PARP8: variants seen among roughly 807,000 people sequenced by gnomAD.
The protein encoded by PARP8 is protein mono-ADP-ribosyltransferase PARP8.
In PARP8, 51 loss-of-function variants were observed where a neutral mutation model predicts 124.1. The observed-to-expected ratio is 0.41, with a 90% CI of 0.33 to 0.52. PARP8 has a LOEUF of 0.52. Among genes scored for constraint, PARP8 ranks in the 20% least tolerant of loss-of-function variants. The probability of loss-of-function intolerance (pLI) is 0.21; values close to 1 mark genes in which losing one functional copy is unlikely to be tolerated. For synonymous variants in PARP8, 391 were observed against 361.5 expected (o/e 1.08, Z -0.93); for missense variants, 860 against 1,018.9 (o/e 0.84, Z 2.12).
Position 50,826,785 on chromosome 5 carries a change from G to A in PARP8, c.1959G>A (p.Val653=), listed in dbSNP as rs764021384. ...TATCAAGTAATAGATCACATATTGT[G>A]AAACTGCCAGTTAACAGGGTAAGTT... The part of the protein sequence containing the change: ...WVISSNRSHI[V]KLPVNRQLKF... Residue 653 remains valine (V), a synonymous_variant, in exon 19 of 26, where the codon GTG becomes GTA. Transcript: ENST00000281631. 2.5e-6 allele frequency: 4 copies of A among 1,587,512 alleles called. No homozygotes were observed. The Admixed American group carries it at 7.3e-5, about 29-fold the overall frequency.
Position 50,825,060 on chromosome 5 carries a change from T to A in PARP8, c.1928+85T>A, listed in dbSNP as rs532140068. On this transcript the variant is annotated intron_variant, in intron 18 of 25. Transcript: ENST00000281631. ...AGGAAAAAAACCAAACAAACAAAAG[T>A]AAACCTGTCTTACAAGCCCTGCAAT... is the stretch of plus-strand genomic sequence containing the variant. 1.5e-5 allele frequency: 17 copies of A among 1,153,614 alleles called. No individual in the cohort carries two copies. The South Asian group carries it at 1.8e-4, about 12-fold the overall frequency. The allele number at this position is 1,153,614 out of a possible 1,614,324, so 71.5% of individuals were successfully genotyped here.
intron 2 of PARP8, among the ~76,000 whole-genome samples, chr5:50,707,480 A>T (rs1454815760): frequency 2.6e-5 from 4 of 152,050 alleles, no homozygotes; most frequent in Non-Finnish European, 4.4e-5. Context: ...AACAGTGGCA[A>T]ATTGTGAAGG....
chr5:50,732,787 T>G (rs1320556437), intron 2 of PARP8, among the ~76,000 whole-genome samples: 1 of 151,550 alleles, frequency 6.6e-6, no homozygotes, highest in Non-Finnish European at 1.5e-5. Context: ...CTCGGCTAAT[T>G]TTTTGTATTT....
At chr5:50,739,120 T>C (rs1281012855) in intron 2 of PARP8, 3 of 701,518 alleles carry the variant, frequency 4.3e-6, no homozygotes, top group Non-Finnish European at 7.8e-6. Flanking sequence ...CTACTCTGAA[T>C]GGAGCACCCT....
intron 2 of PARP8, among the ~76,000 whole-genome samples, chr5:50,675,520 TGG>T (rs1750524777): frequency 6.6e-6 from 1 of 152,222 alleles, no homozygotes; most frequent in South Asian, 2.1e-4. Context: ...TTGGCCAGGT[TGG>T]TCTCGAACTC....
intron 14 of PARP8, among the ~76,000 whole-genome samples, chr5:50,814,269 A>G (rs1456796981): frequency 6.6e-6 from 1 of 152,190 alleles, no homozygotes; most frequent in Non-Finnish European, 1.5e-5. Context: ...AGGGTAAAGC[A>G]TATAAACATA....
chr5:50,744,361 G>A (rs146501952), intron 2 of PARP8, among the ~76,000 whole-genome samples: 1 of 152,100 alleles, frequency 6.6e-6, no homozygotes, highest in Non-Finnish European at 1.5e-5. Context: ...CTTATTAAAT[G>A]GTTCCAGTTA....
chr5:50,694,494 C>T (rs1752816351), intron 2 of PARP8, among the ~76,000 whole-genome samples: 1 of 152,138 alleles, frequency 6.6e-6, no homozygotes, highest in Non-Finnish European at 1.5e-5. Flanking sequence ...GGTCTTGTAA[C>T]CACATTTCTT....
At chr5:50,827,893 AAT>A (rs149650908) in intron 19 of PARP8, 49 bp from the exon 20 acceptor site, 6 of 1,305,624 alleles carry the variant, frequency 4.6e-6, no homozygotes, top group Admixed American at 1.7e-5. Context: ...CATCAGCCTG[AAT>A]ATATGTTAAG....
chr5:50,707,449 A>G (rs1016851026), intron 2 of PARP8, among the ~76,000 whole-genome samples: 1 of 152,064 alleles, frequency 6.6e-6, no homozygotes, highest in African/African-American at 2.4e-5. Context: ...GCTACCTAGA[A>G]TTCATAATCT....
Position 50,844,049 on chromosome 5 carries a change from C to T in PARP8, c.*1981C>T, listed in dbSNP as rs373168015. On this transcript the variant is annotated 3_prime_UTR_variant, in exon 26 of 26. Transcript: ENST00000281631. Reference sequence around the variant, plus strand: ...GGCTTTACTTAACATTGGAGTGATCCGTAAAGAATATAGTATTGGAGTCTG... The same window carrying T: ...GGCTTTACTTAACATTGGAGTGATCTGTAAAGAATATAGTATTGGAGTCTG... 8 of 151,652 alleles carry T rather than the reference C, an allele frequency of 5.3e-5. No individual in the cohort carries two copies. Among genetic ancestry groups the T allele is most frequent in the Admixed American group, 2.6e-4 (4 of 15,182 alleles). The allele number at this position is 151,652 out of a possible 1,614,324, so 9.4% of individuals were successfully genotyped here.
chr5:50,676,306 T>G (rs1197506544), intron 2 of PARP8, among the ~76,000 whole-genome samples: 1 of 152,250 alleles, frequency 6.6e-6, no homozygotes, highest in East Asian at 1.9e-4. Context: ...TTTCAGCAAT[T>G]TTTATAGAAG....
At chr5:50,719,428 G>A (rs1755653038) in intron 2 of PARP8, among the ~76,000 whole-genome samples, 1 of 151,920 alleles carries the variant, frequency 6.6e-6, no homozygotes, top group African/African-American at 2.4e-5. Flanking sequence ...GTGTTTCTCA[G>A]TGTTTTCTTC....
At chr5:50,816,434 A>G (rs1013318708) in intron 15 of PARP8, among the ~76,000 whole-genome samples, 9 of 152,316 alleles carry the variant, frequency 5.9e-5, no homozygotes, top group Non-Finnish European at 1.3e-4. Context: ...AACATGCACA[A>G]CTTGAGGCAG....
At chr5:50,756,088 C>T (rs1004847224) in intron 3 of PARP8, among the ~76,000 whole-genome samples, 4 of 152,080 alleles carry the variant, frequency 2.6e-5, no homozygotes, top group African/African-American at 7.2e-5. Flanking sequence ...TGGGCTGAGA[C>T]GATGGGGTTT....
chr5:50,818,250 G>A (rs1409509616), intron 15 of PARP8, among the ~76,000 whole-genome samples: 2 of 112,118 alleles, frequency 1.8e-5, no homozygotes, highest in Admixed American at 1.2e-4. Context: ...CTTCCCCCTC[G>A]AGAGAGCCTC....
chr5:50,804,540 A>G (rs1743604300), intron 14 of PARP8, among the ~76,000 whole-genome samples: 2 of 152,168 alleles, frequency 1.3e-5, no homozygotes, highest in Non-Finnish European at 2.9e-5. Flanking sequence ...TTATTTCTGC[A>G]TGGCTCTAGT....
In PARP8 at chr5:50,794,217, A is replaced by G; in HGVS notation, c.748A>G (p.Thr250Ala). Reference sequence around the variant, plus strand: ...CCTTTGGATTGACAGAATCATGCAGACATTTGTTACACAGCAGTGGAAACA... The same window carrying G: ...CCTTTGGATTGACAGAATCATGCAGGCATTTGTTACACAGCAGTGGAAACA... Reference protein sequence around the residue: ...LGHQLKKIMQTFVTQQWKQSK... With the variant: ...LGHQLKKIMQAFVTQQWKQSK... Residue 250 changes from threonine to alanine, a missense_variant, in exon 11 of 26, where the codon ACA (threonine) becomes GCA (alanine). By Grantham distance (58) the Thr-to-Ala change is moderately conservative (BLOSUM62 0). Coordinates refer to ENST00000281631, the MANE Select transcript of PARP8 (RefSeq NM_024615.4). The G allele has an allele frequency of 6.2e-7, 1 of 1,611,860 alleles. No homozygotes were observed. The highest frequency in any genetic ancestry group is 8.5e-7 in the Non-Finnish European group (1 of 1,178,758).
intron 2 of PARP8, among the ~76,000 whole-genome samples, chr5:50,702,060 T>C (rs1753654935): frequency 6.6e-6 from 1 of 152,148 alleles, no homozygotes; most frequent in African/African-American, 2.4e-5. Flanking sequence ...CCTGCAGAAA[T>C]GTAATTTAAA....
Sources: allele counts gnomAD v4.1 joint callset (sites outside exome capture counted in the v4.1 genomes callset), GRCh38; gene constraint gnomAD v4.1.1; transcripts MANE v1.5; gene names NCBI Gene and HGNC (gene_info 2026-07-23, HGNC 2026-07-21).